SNX25: variants seen among roughly 807,000 people sequenced by gnomAD.
SNX25 encodes sorting nexin 25, also known as sorting nexin-25.
A neutral mutation model predicts 113.7 loss-of-function variants in SNX25; 62 were observed. The ratio of observed to expected loss-of-function variants is 0.55; its 90% confidence interval spans 0.44 to 0.67. The LOEUF (loss-of-function observed/expected upper bound fraction) is 0.67. SNX25 is among the 30% of genes least tolerant of loss of function. The pLI is 0.00. For missense variants in SNX25, 1,014 were observed against 1,161.0 expected (o/e 0.87, Z 1.84); for synonymous variants, 421 against 436.2 (o/e 0.97, Z 0.43).
At chr4:185,349,958 C>T (rs941055148) in intron 13 of SNX25, among the ~76,000 whole-genome samples, 1 of 152,350 alleles carries the variant, frequency 6.6e-6, no homozygotes, top group Non-Finnish European at 1.5e-5. Flanking sequence ...GATCCATCCT[C>T]ACATACAGGT....
downstream of SNX25, among the ~76,000 whole-genome samples, chr4:185,375,008 A>G (rs2126799269): frequency 6.6e-6 from 1 of 152,238 alleles, no homozygotes; most frequent in African/African-American, 2.4e-5. Context: ...AAGATATTCT[A>G]ACCACTAGCA....
At chr4:185,207,947 G>T (rs1339283752), upstream of SNX25, among the ~76,000 whole-genome samples, 1 of 152,118 alleles carries the variant, frequency 6.6e-6, no homozygotes, top group Non-Finnish European at 1.5e-5. Context: ...GCATGTAAAT[G>T]ATCAAAAAAC....
At chr4:185,272,311 A>G (rs1269109847) in intron 5 of SNX25, among the ~76,000 whole-genome samples, 1 of 152,236 alleles carries the variant, frequency 6.6e-6, no homozygotes, top group Non-Finnish European at 1.5e-5. Context: ...CACAATTGCC[A>G]TTAAACTAGA....
intron 9 of SNX25, among the ~76,000 whole-genome samples, chr4:185,327,921 G>A (rs1198447877): frequency 6.6e-6 from 1 of 152,154 alleles, no homozygotes; most frequent in Admixed American, 6.5e-5. Context: ...GTATGAAATT[G>A]CTTGATCGAT....
At chr4:185,274,812 TC>T (rs750234328) in intron 5 of SNX25, among the ~76,000 whole-genome samples, 1 of 152,222 alleles carries the variant, frequency 6.6e-6, no homozygotes, top group Non-Finnish European at 1.5e-5. Flanking sequence ...TAGTATTTTT[TC>T]CCTTCTTAGG....
intron 6 of SNX25, among the ~76,000 whole-genome samples, chr4:185,303,714 C>A (rs963596541): frequency 6.6e-6 from 1 of 151,192 alleles, no homozygotes; most frequent in Non-Finnish European, 1.5e-5. Flanking sequence ...CACACCCTGG[C>A]CGGGCTGCAC....
the SNX25 span, chr4:185,378,285 G>C: frequency 3.3e-6 from 5 of 1,534,532 alleles, no homozygotes; most frequent in Non-Finnish European, 4.4e-6. Context: ...ATTCCCACCA[G>C]GTGCTCATTA....
At chr4:185,241,595 G>T (rs1744058698) in intron 1 of SNX25, among the ~76,000 whole-genome samples, 1 of 149,814 alleles carries the variant, frequency 6.7e-6, no homozygotes, top group East Asian at 2.0e-4. Flanking sequence ...AGGAGGACAG[G>T]TGTATTTTTT....
At chr4:185,321,777 G>T (rs2095122107) in intron 8 of SNX25, among the ~76,000 whole-genome samples, 1 of 151,956 alleles carries the variant, frequency 6.6e-6, no homozygotes, top group African/African-American at 2.4e-5. Flanking sequence ...GAAAATATTT[G>T]GGGGGAAAAA....
In SNX25 at chr4:185,334,036, CAA is replaced by C. The variant is rs34587614; in HGVS notation, c.1914+1294_1914+1295del. On this transcript the variant is annotated intron_variant, in intron 10 of 18. Transcript: ENST00000652585. The surrounding 1 kb of genome is among the most constrained non-coding windows in gnomAD (Gnocchi z 4.2). ...TGCACTCCAGACTGGGCAATAGTCTCAAAAAAAAAAAAAAAAAAGTGGCTAGG... is the reference window on the plus strand; with the variant it reads ...TGCACTCCAGACTGGGCAATAGTCTCAAAAAAAAAAAAAAAAGTGGCTAGG... Among the ~76,000 whole-genome samples, 6 of 104,356 alleles carry C rather than the reference CAA, an allele frequency of 5.7e-5. No homozygotes were observed. Among genetic ancestry groups the C allele is most frequent in the Non-Finnish European group, 8.3e-5 (4 of 48,456 alleles). The allele number at this position is 104,356 out of a possible 152,430, so 68.5% of individuals were successfully genotyped here. A position where few individuals can be genotyped will look rare whatever the true frequency, so the allele number is the denominator to read the frequency against.
Position 185,241,371 on chromosome 4 carries a change from G to T in SNX25, c.430-5923G>T, listed in dbSNP as rs368847464. On this transcript the variant is annotated intron_variant, in intron 1 of 18. Transcript: ENST00000652585. The stretch of plus-strand genomic sequence containing the variant: ...CGCGCGCCTGCAATCGCAGGCACTC[G>T]GCAGGCTGAGGCAGGAGAATCAGGC... 7.3e-5 allele frequency among the ~76,000 whole-genome samples: 11 copies of T among 151,068 alleles called. 1 individual carries two copies. The East Asian group carries it at 7.9e-4, about 11-fold the overall frequency.
At chr4:185,212,463 A>T (rs1469617526) in intron 1 of SNX25, among the ~76,000 whole-genome samples, 7 of 119,390 alleles carry the variant, frequency 5.9e-5, no homozygotes, top group East Asian at 4.5e-4. Flanking sequence ...AATTTGTGTG[A>T]TGTGTGTGTG....
In SNX25 at chr4:185,357,668, C is replaced by T. The variant is rs2126753551; in HGVS notation, c.2585-3C>T. 6.2e-7 allele frequency: 1 copy of T among 1,613,782 alleles called. No homozygotes were observed. The highest frequency in any genetic ancestry group is 8.5e-7 in the Non-Finnish European group (1 of 1,179,730). On this transcript the variant is annotated splice_polypyrimidine_tract_variant and splice_region_variant and intron_variant, in intron 15 of 18. Transcript: ENST00000652585. ...AAAAGTTTTCCTCTGGTTTCTGTTT[C>T]AGTGTTTAAATGGGTGAGAAGAACA...
At chr4:185,349,622 T>C (rs781579206) in intron 13 of SNX25, among the ~76,000 whole-genome samples, 19 of 152,218 alleles carry the variant, frequency 1.2e-4, no homozygotes, top group Non-Finnish European at 2.5e-4. Context: ...CTTTGACTTA[T>C]ATTTCCCTAT....
At chr4:185,304,283 C>T (rs755734133) in intron 6 of SNX25, among the ~76,000 whole-genome samples, 13 of 152,226 alleles carry the variant, frequency 8.5e-5, no homozygotes, top group Admixed American at 2.0e-4. Flanking sequence ...CTGCTGGGCT[C>T]AAGTGATCCT....
chr4:185,316,616 G>GAAA (rs943797569), intron 7 of SNX25, among the ~76,000 whole-genome samples: 1 of 152,190 alleles, frequency 6.6e-6, no homozygotes, highest in Non-Finnish European at 1.5e-5. Flanking sequence ...ATGGAGTTTG[G>GAAA]AAATCAGTGG....
At chr4:185,344,349 G>A (rs2095274383) in intron 12 of SNX25, among the ~76,000 whole-genome samples, 1 of 152,172 alleles carries the variant, frequency 6.6e-6, no homozygotes, top group Non-Finnish European at 1.5e-5. Context: ...TGCCCTGATG[G>A]CTCGTCTTGA....
chr4:185,317,610 G>T (rs2095084721), intron 7 of SNX25, among the ~76,000 whole-genome samples: 2 of 152,282 alleles, frequency 1.3e-5, no homozygotes, highest in African/African-American at 4.8e-5. Flanking sequence ...AGAAAATGTG[G>T]CACATATACA....
At chr4:185,256,624 C>CTTTTTTT in intron 2 of SNX25, among the ~76,000 whole-genome samples, 1 of 112,562 alleles carries the variant, frequency 8.9e-6, no homozygotes, top group Non-Finnish European at 1.8e-5. Flanking sequence ...ACCTAAATTT[C>CTTTTTTT]TTTTTTTTTT....
Sources: allele counts gnomAD v4.1 joint callset (sites outside exome capture counted in the v4.1 genomes callset), GRCh38; gene constraint gnomAD v4.1.1; non-coding constraint Gnocchi (gnomAD v3.1); transcripts MANE v1.5; gene names NCBI Gene and HGNC (gene_info 2026-07-23, HGNC 2026-07-21).